Variants in HYCC2 observed in about 807,000 individuals in gnomAD.
HYCC2 encodes the protein hyccin 2.
chr2:200,978,441 TAAATA>T, the HYCC2 span: 2 of 143,282 alleles, frequency 1.4e-5, no homozygotes, highest in South Asian at 4.3e-4. Context: ...TACATACAGA[TAAATA>T]AAATCCTCTA....
the HYCC2 span, among the ~76,000 whole-genome samples, chr2:201,002,748 C>T: frequency 6.6e-6 from 1 of 152,126 alleles, no homozygotes; most frequent in Non-Finnish European, 1.5e-5. Context: ...TGGTTTCGAA[C>T]TCCTAACTTC....
the HYCC2 span, among the ~76,000 whole-genome samples, chr2:201,059,906 G>A: frequency 2.1e-4 from 32 of 152,070 alleles, no homozygotes; most frequent in Non-Finnish European, 3.8e-4. Flanking sequence ...ATTAGCCAGC[G>A]TAGTGGCACA....
At chr2:200,981,095 G>A in the HYCC2 span, 2 of 723,310 alleles carry the variant, frequency 2.8e-6, no homozygotes, top group Admixed American at 5.4e-5. This position sits in a 1 kb window ranked among gnomAD's most constrained non-coding sequence, Gnocchi z 4.5. Context: ...GTAGGAAAGA[G>A]GGATAAAGAA....
At chr2:200,984,743 A>T in the HYCC2 span, among the ~76,000 whole-genome samples, 1 of 152,072 alleles carries the variant, frequency 6.6e-6, no homozygotes, top group African/African-American at 2.4e-5. Flanking sequence ...AATTAGCCAG[A>T]TGTGATGGCA....
chr2:201,025,504 C>T, the HYCC2 span, among the ~76,000 whole-genome samples: 2 of 151,616 alleles, frequency 1.3e-5, no homozygotes, highest in African/African-American at 4.8e-5. Flanking sequence ...CACAGAAGTA[C>T]AAAACAAAGG....
At chr2:200,986,579 G>A in the HYCC2 span, among the ~76,000 whole-genome samples, 1 of 151,900 alleles carries the variant, frequency 6.6e-6, no homozygotes, top group African/African-American at 2.4e-5. Flanking sequence ...GGGTTCGGGG[G>A]GGAAGGGTAT....
the HYCC2 span, among the ~76,000 whole-genome samples, chr2:201,056,031 AC>A: frequency 4.6e-5 from 7 of 152,248 alleles, no homozygotes; most frequent in South Asian, 1.0e-3. Flanking sequence ...TACTAAAAAT[AC>A]AAAAAATTAG....
the HYCC2 span, chr2:201,016,851 T>G: frequency 1.3e-6 from 1 of 752,246 alleles, no homozygotes. Context: ...ATGCCTGCCT[T>G]GGCCTCCCAA....
the HYCC2 span, among the ~76,000 whole-genome samples, chr2:201,012,983 A>G: frequency 1.4e-5 from 2 of 146,850 alleles, no homozygotes; most frequent in East Asian, 2.0e-4. Flanking sequence ...ACACACACAC[A>G]CGCCTACAGA....
At chr2:200,988,595 A>T in the HYCC2 span, among the ~76,000 whole-genome samples, 4 of 152,190 alleles carry the variant, frequency 2.6e-5, no homozygotes, top group Non-Finnish European at 5.9e-5. Context: ...AGAATTTCTA[A>T]AATATGAGTC....
the HYCC2 span, chr2:201,011,423 G>A: frequency 6.3e-7 from 1 of 1,583,300 alleles, no homozygotes; most frequent in East Asian, 2.3e-5. Context: ...GGATAAGGAG[G>A]GGATAGTGAA....
chr2:201,000,057 C>CAAAAAAAA, the HYCC2 span, among the ~76,000 whole-genome samples: 1 of 34,760 alleles, frequency 2.9e-5, no homozygotes, highest in African/African-American at 1.2e-4. Flanking sequence ...GACTCCGTCT[C>CAAAAAAAA]AAAAAAAAAA....
At chr2:201,020,627 G>A in the HYCC2 span, among the ~76,000 whole-genome samples, 2 of 152,142 alleles carry the variant, frequency 1.3e-5, no homozygotes, top group Non-Finnish European at 2.9e-5. Context: ...CCTTAAGGTA[G>A]CTAGAGAAGA....
At chr2:200,996,873 G>A in the HYCC2 span, 1 of 151,958 alleles carries the variant, frequency 6.6e-6, no homozygotes, top group African/African-American at 2.4e-5. Flanking sequence ...TGGCAACCAG[G>A]GAATAAGATA....
At chr2:201,028,000 A>G in the HYCC2 span, among the ~76,000 whole-genome samples, 2 of 152,228 alleles carry the variant, frequency 1.3e-5, no homozygotes, top group African/African-American at 4.8e-5. Flanking sequence ...AGCGTATTCA[A>G]TTAGGAAAAG....
At chr2:201,014,455 T>C in the HYCC2 span, among the ~76,000 whole-genome samples, 19 of 152,224 alleles carry the variant, frequency 1.2e-4, no homozygotes, top group African/African-American at 4.3e-4. Flanking sequence ...TAATGGACAT[T>C]TATAAACACC....
At chr2:201,010,143 A>G in the HYCC2 span, among the ~76,000 whole-genome samples, 3 of 151,680 alleles carry the variant, frequency 2.0e-5, no homozygotes, top group African/African-American at 4.8e-5. Flanking sequence ...AGAACCATCC[A>G]TTCTTTAATA....
the HYCC2 span, among the ~76,000 whole-genome samples, chr2:201,068,111 C>T: frequency 6.6e-6 from 1 of 151,990 alleles, no homozygotes; most frequent in Non-Finnish European, 1.5e-5. Flanking sequence ...TTGGAGAAAT[C>T]CCGTCTCTAC....
the HYCC2 span, among the ~76,000 whole-genome samples, chr2:201,041,600 T>C: frequency 6.6e-6 from 1 of 152,224 alleles, no homozygotes; most frequent in Non-Finnish European, 1.5e-5. Flanking sequence ...ACAAGATTTA[T>C]TTCCTGCCTA....
Sources: allele counts gnomAD v4.1 joint callset (sites outside exome capture counted in the v4.1 genomes callset), GRCh38; gene constraint gnomAD v4.1.1; non-coding constraint Gnocchi (gnomAD v3.1); transcripts MANE v1.5; gene names NCBI Gene and HGNC (gene_info 2026-07-23, HGNC 2026-07-21).